The following FCRL5 variants were observed in gnomAD, a reference collection of about 807,000 sequenced individuals.
The protein encoded by FCRL5 is Fc receptor-like protein 5.
A neutral mutation model predicts 92.1 loss-of-function variants in FCRL5; 79 were observed. The observed-to-expected ratio is 0.86, with a 90% confidence interval of 0.72 to 1.03. The LOEUF (loss-of-function observed/expected upper bound fraction) is 1.03. FCRL5 is among the 50% of genes least tolerant of loss of function. FCRL5 has a pLI of 0.00. For missense variants in FCRL5, 1,160 were observed against 1,181.1 expected, an observed-to-expected ratio of 0.98 and a Z score of 0.26; for synonymous variants, 466 against 469.3, an observed-to-expected ratio of 0.99 and a Z score of 0.09.
At chr1:157,544,122 G>A in intron 5 of FCRL5, 140 bp downstream of exon 5, 1 of 827,132 alleles carries the variant, frequency 1.2e-6, no homozygotes. Flanking sequence ...CACAAGAGTA[G>A]AGGTCTCTTT....
In FCRL5 at chr1:157,513,630, C is replaced by T. The variant is rs1190650104; in HGVS notation, c.*2045G>A. 6.6e-6 allele frequency: 1 copy of T among 152,208 alleles called. No individual in the cohort carries two copies. Among genetic ancestry groups the T allele is most frequent in the Non-Finnish European group, 1.5e-5 (1 of 68,032 alleles). The allele number at this position is 152,208 out of a possible 1,614,324, so 9.4% of individuals were successfully genotyped here. A position where few individuals can be genotyped will look rare whatever the true frequency, so the allele number is the denominator to read the frequency against. Reference sequence around the variant, plus strand: ...GAAGAATAAGCCCTTTTGTTACATTCAGGCCTTCAACAGACTGGACGGGGT... The same window carrying T: ...GAAGAATAAGCCCTTTTGTTACATTTAGGCCTTCAACAGACTGGACGGGGT... On this transcript the variant is annotated 3_prime_UTR_variant, in exon 17 of 17. Coordinates refer to ENST00000361835, the MANE Select transcript of FCRL5 (RefSeq NM_031281.3).
intron 7 of FCRL5, among the ~76,000 whole-genome samples, chr1:157,537,455 G>A (rs1394282586): frequency 6.6e-6 from 1 of 152,106 alleles, no homozygotes; most frequent in Non-Finnish European, 1.5e-5. Context: ...CCTGTCTCCT[G>A]ATAAGATGTT....
rs553420510 is a variant in FCRL5, at chr1:157,542,802, A to T, written c.1123+57T>A. ...AGGTATATGCTGACTTCCGAAGGGCAGGGTGAGGCAGGACTCTTGGCCAGG... is the reference window on the plus strand; with the variant it reads ...AGGTATATGCTGACTTCCGAAGGGCTGGGTGAGGCAGGACTCTTGGCCAGG... On this transcript the variant is annotated intron_variant, in intron 6 of 16. Transcript: ENST00000361835. 1.9e-6 allele frequency: 3 copies of T among 1,566,244 alleles called. No homozygotes were observed. The African/African-American group carries it at 4.1e-5, about 21-fold the overall frequency.
chr1:157,549,512 G>C (rs762639001), intron 2 of FCRL5, 48 bp downstream of exon 2: 1 of 1,563,980 alleles, frequency 6.4e-7, no homozygotes, highest in South Asian at 1.2e-5. Context: ...ATTAGGAAGA[G>C]ACACTCTTAA....
Position 157,544,260 on chromosome 1 carries a change from A to T in FCRL5, c.844+2T>A. The T allele has an allele frequency of 6.2e-7, 1 of 1,613,010 alleles. No individual in the cohort carries two copies. Among genetic ancestry groups the T allele is most frequent in the Non-Finnish European group, 8.5e-7 (1 of 1,179,420 alleles). ...CAAATCTCAGGTTCCACCAACACTT[A>T]CTCTGCACCTGTATCCAGGATCTCG... is the stretch of plus-strand genomic sequence containing the variant. On this transcript the variant is annotated splice_donor_variant, in intron 5 of 16. Transcript: ENST00000361835. LOFTEE classifies it high-confidence loss of function.
At chr1:157,533,957 A>AC (rs1650817058) in intron 8 of FCRL5, 1 of 160,066 alleles carries the variant, frequency 6.2e-6, no homozygotes, top group Non-Finnish European at 1.4e-5. Context: ...CCCAGTTTCT[A>AC]TAAACAAAGA....
intron 7 of FCRL5, among the ~76,000 whole-genome samples, chr1:157,536,339 G>A (rs529954056): frequency 9.9e-5 from 15 of 152,140 alleles, no homozygotes; most frequent in Non-Finnish European, 2.1e-4. Context: ...TGGTGACAGT[G>A]GGGCACACTC....
chr1:157,519,659 C>A (rs1650087398), intron 13 of FCRL5, 84 bp downstream of exon 13: 2 of 1,460,122 alleles, frequency 1.4e-6, no homozygotes, highest in East Asian at 2.3e-5. Flanking sequence ...AGAAACTGTG[C>A]TCTTGGTAAT....
chr1:157,514,672 C>T lies in FCRL5; in HGVS notation c.*1003G>A, dbSNP rs781672601. On this transcript the variant is annotated 3_prime_UTR_variant, in exon 17 of 17. Transcript: ENST00000361835. ...CAGTCTCAGGCTCTACGCAGACCCA[C>T]TGAATCAGTATCTGTATTTTCACAG... 6.6e-6 allele frequency: 1 copy of T among 152,282 alleles called. No homozygotes were observed. Among genetic ancestry groups the T allele is most frequent in the African/African-American group, 2.4e-5 (1 of 41,450 alleles). 9.4% of individuals were successfully genotyped at this position (152,282 alleles called of 1,614,324 possible).
Position 157,535,278 on chromosome 1 carries a change from C to T in FCRL5, c.1403-386G>A, listed in dbSNP as rs12564732. Among the ~76,000 whole-genome samples, 5 of 152,364 alleles carry T rather than the reference C, an allele frequency of 3.3e-5. No individual in the cohort carries two copies. In the East Asian group the frequency reaches 9.6e-4, roughly 29 times the overall value. ...CCATGGAAGAGCCATGCCTGGCCTG[C>T]CCAAGGGGGATTTTCCTATGTCTCT... On this transcript the variant is annotated intron_variant, in intron 7 of 16. Coordinates refer to ENST00000361835, the MANE Select transcript of FCRL5 (RefSeq NM_031281.3).
At chr1:157,529,342 G>A (rs1033776759) in intron 8 of FCRL5, among the ~76,000 whole-genome samples, 1 of 152,150 alleles carries the variant, frequency 6.6e-6, no homozygotes, top group Non-Finnish European at 1.5e-5. Flanking sequence ...GTTTTACACT[G>A]CTGGTGGGAA....
intron 1 of FCRL5, among the ~76,000 whole-genome samples, chr1:157,551,256 T>C (rs370419168): frequency 7.2e-5 from 11 of 152,334 alleles, no homozygotes; most frequent in African/African-American, 2.6e-4. Flanking sequence ...GCCCATGTTA[T>C]AAACTTTGCC....
intron 7 of FCRL5, among the ~76,000 whole-genome samples, chr1:157,538,447 A>C (rs1651078700): frequency 6.6e-6 from 1 of 152,204 alleles, no homozygotes; most frequent in African/African-American, 2.4e-5. Flanking sequence ...GCTCAAAGGA[A>C]ACCTTTTTGA....
chr1:157,547,006 C>G lies in FCRL5; in HGVS notation c.244G>C (p.Glu82Gln), dbSNP rs748512249. The G allele has an allele frequency of 6.2e-7, 1 of 1,614,132 alleles. No homozygotes were observed. Among genetic ancestry groups the G allele is most frequent in the Non-Finnish European group, 8.5e-7 (1 of 1,179,982 alleles). ...GAGCCCTGGGCCTGGCATCTGTACT[C>G]TCCAGATTCCTGAACCTCAAGGATA... is the stretch of plus-strand genomic sequence containing the variant. ...DNILEVQESG[E>Q]YRCQAQGSPL... is the part of the protein sequence containing the mutation. The change falls in exon 3 of 17, where the codon GAG (glutamate) becomes CAG (glutamine). Residue 82 changes from glutamate to glutamine, a missense_variant. Coordinates refer to ENST00000361835, the MANE Select transcript of FCRL5 (RefSeq NM_031281.3).
At position 157,513,933 on chromosome 1, in the gene FCRL5, C is replaced by T. The variant is rs1649816235; in HGVS notation, c.*1742G>A. 1 of 152,198 alleles carries T rather than the reference C, an allele frequency of 6.6e-6. No individual in the cohort carries two copies. Among genetic ancestry groups the T allele is most frequent in the South Asian group, 2.1e-4 (1 of 4,828 alleles). 9.4% of individuals were successfully genotyped at this position (152,198 alleles called of 1,614,324 possible). A position where few individuals can be genotyped will look rare whatever the true frequency, so the allele number is the denominator to read the frequency against. On this transcript the variant is annotated 3_prime_UTR_variant, in exon 17 of 17. Transcript: ENST00000361835. ...GCGGCCTCGGTGGGAATGCATTTCT[C>T]TTGCTCCACGTCTATTTTAGTTGCA...
At chr1:157,549,692 T>C in intron 1 of FCRL5, 112 bp from the exon 2 acceptor site, 1 of 814,212 alleles carries the variant, frequency 1.2e-6, no homozygotes. Context: ...AAAAAATTCA[T>C]TTAAAAACTC....
At chr1:157,520,920 G>A (rs6696309) in intron 11 of FCRL5, 97 bp downstream of exon 11, 858,310 of 1,376,768 alleles carry the variant, frequency 0.62, 276,455 homozygotes, top group East Asian at 0.83. Context: ...ACTTCGCCCT[G>A]AGGAGTGCCT....
chr1:157,520,503 C>A lies in FCRL5; in HGVS notation c.2560G>T (p.Gly854Trp). 1.3e-6 allele frequency: 2 copies of A among 1,575,786 alleles called. No homozygotes were observed. Among genetic ancestry groups the A allele is most frequent in the South Asian group, 2.3e-5 (2 of 85,724 alleles). Residue 854 changes from glycine to tryptophan, a missense_variant, in exon 12 of 17, where the codon GGG (glycine) becomes TGG (tryptophan). Transcript: ENST00000361835. ...AGGCCTGCTATGCTGAGCAGGCCCC[C>A]GGCGACTCCTGTGGCAAAAGGGCCA... ...RSGPFATGVA[G>W]GLLSIAGLAA...
chr1:157,516,478 CAGTCCTGATTGCTATATTCAAT>C lies in FCRL5; in HGVS notation c.2813-627_2813-606del, dbSNP rs561174915. Among the ~76,000 whole-genome samples the C allele has an allele frequency of 2.2e-4, 34 of 152,330 alleles. No homozygotes were observed. In the East Asian group the frequency reaches 6.4e-3, roughly 28 times the overall value. ...TTGAGCAGTTTCTATGTGTCAGGTA[CAGTCCTGATTGCTATATTCAAT>C]ACATTTTCTCTCTCTCTATTATCAT... On this transcript the variant is annotated intron_variant, in intron 15 of 16. Coordinates refer to ENST00000361835, the MANE Select transcript of FCRL5 (RefSeq NM_031281.3).
Sources: allele counts gnomAD v4.1 joint callset (sites outside exome capture counted in the v4.1 genomes callset), GRCh38; gene constraint gnomAD v4.1.1; transcripts MANE v1.5; gene names NCBI Gene and HGNC (gene_info 2026-07-23, HGNC 2026-07-21).